AAR2: variants seen among roughly 807,000 people sequenced by gnomAD.
AAR2 encodes the protein AAR2 splicing factor.
In AAR2, 31 loss-of-function variants were observed where a neutral mutation model predicts 26.9. The observed-to-expected ratio is 1.15, with a 90% confidence interval of 0.86 to 1.55. AAR2 has a LOEUF of 1.55. Ranked by LOEUF, AAR2 falls within the 40% of genes most tolerant of loss-of-function variation. The pLI is 0.00. For synonymous variants in AAR2, 188 were observed against 196.1 expected (o/e 0.96, Z 0.34); for missense variants, 430 against 491.3 (o/e 0.88, Z 1.18).
At position 36,237,068 on chromosome 20, in the gene AAR2, A is replaced by T. The variant is rs543321282; in HGVS notation, c.-49+565A>T. On this transcript the variant is annotated intron_variant, in intron 1 of 3. Coordinates refer to ENST00000320849, the MANE Select transcript of AAR2 (RefSeq NM_001271874.2). ...TATTGAGCTGAGATCAGAAAAAAGG[A>T]TTTGACAAAGTGGGGAGGGAAGAGT... Among the ~76,000 whole-genome samples, 3 of 152,276 alleles carry T rather than the reference A, an allele frequency of 2.0e-5. No individual in the cohort carries two copies. In the South Asian group the frequency reaches 6.2e-4, roughly 32 times the overall value.
intron 2 of AAR2, among the ~76,000 whole-genome samples, chr20:36,242,917 G>T (rs192455574): frequency 6.7e-6 from 1 of 148,712 alleles, no homozygotes; most frequent in East Asian, 2.0e-4. Flanking sequence ...GAGTACAGTG[G>T]CATGATCACA....
rs1004967043 is a variant in AAR2 at position 36,255,970 on chromosome 20, C to T, written c.*225C>T. The T allele has an allele frequency of 3.4e-6, 2 of 593,510 alleles. No homozygotes were observed. Among genetic ancestry groups the T allele is most frequent in the Admixed American group, 3.2e-5 (1 of 31,690 alleles). 36.8% of individuals were successfully genotyped at this position (593,510 alleles called of 1,614,324 possible). On this transcript the variant is annotated 3_prime_UTR_variant, in exon 4 of 4. Coordinates refer to ENST00000320849, the MANE Select transcript of AAR2 (RefSeq NM_001271874.2). ...TTTGTGGGTTCCCCATCAGCCAGGC[C>T]TTGGTGCTAACCTGGCTGAATTTCA... is the stretch of plus-strand genomic sequence containing the variant.
rs1320207520 is a variant in AAR2 at position 36,256,851 on chromosome 20, G to A, written c.*1106G>A. Reference sequence around the variant, plus strand: ...TGTTTTTGAATGAGAATCCCTGCTGGTTGAGACTTTTGCTTCCACTTGTTT... The same window carrying A: ...TGTTTTTGAATGAGAATCCCTGCTGATTGAGACTTTTGCTTCCACTTGTTT... On this transcript the variant is annotated 3_prime_UTR_variant, in exon 4 of 4. Transcript: ENST00000320849. 5 of 152,688 alleles carry A rather than the reference G, an allele frequency of 3.3e-5. No individual in the cohort carries two copies. Among genetic ancestry groups the A allele is most frequent in the Non-Finnish European group, 1.5e-5 (1 of 68,058 alleles). 9.5% of individuals were successfully genotyped at this position (152,688 alleles called of 1,614,324 possible). A position where few individuals can be genotyped will look rare whatever the true frequency, so the allele number is the denominator to read the frequency against.
intron 3 of AAR2, among the ~76,000 whole-genome samples, chr20:36,252,169 G>C (rs1043282549): frequency 6.6e-6 from 1 of 152,146 alleles, no homozygotes; most frequent in African/African-American, 2.4e-5. Flanking sequence ...GCATTCAGGG[G>C]CCTGGTAAAG....
chr20:36,255,494 C>A lies in AAR2; in HGVS notation c.988-84C>A. 2.6e-6 allele frequency: 4 copies of A among 1,513,358 alleles called. No homozygotes were observed. In the South Asian group the frequency reaches 4.8e-5, roughly 18 times the overall value. The allele number at this position is 1,513,358 out of a possible 1,614,324, so 93.7% of individuals were successfully genotyped here. On this transcript the variant is annotated intron_variant, in intron 3 of 3. Transcript: ENST00000320849. ...GCTGATCTACCCGCCCCAGAAGAGC[C>A]GAACACCATGAGGAAATTTCCACAG...
chr20:36,247,283 A>T (rs1350816695), intron 3 of AAR2, among the ~76,000 whole-genome samples: 2 of 152,158 alleles, frequency 1.3e-5, no homozygotes, highest in Non-Finnish European at 2.9e-5. Flanking sequence ...CCTAGACTGC[A>T]TCGGAGTTTA....
At position 36,244,933 on chromosome 20, in the gene AAR2, A is replaced by C. The variant is rs113156393; in HGVS notation, c.987+7A>C. On this transcript the variant is annotated splice_region_variant and intron_variant, in intron 3 of 3. Coordinates refer to ENST00000320849, the MANE Select transcript of AAR2 (RefSeq NM_001271874.2). ...CCTCACCAGCACCTTACAGGTGAGCAGTCTTTCTGACTGAGCTGATGCACA... is the reference window on the plus strand; with the variant it reads ...CCTCACCAGCACCTTACAGGTGAGCCGTCTTTCTGACTGAGCTGATGCACA... 1.2e-6 allele frequency: 2 copies of C among 1,608,458 alleles called. No individual in the cohort carries two copies. The highest frequency in any genetic ancestry group is 1.7e-5 in the Admixed American group (1 of 60,008).
At chr20:36,245,139 G>A (rs142808125) in intron 3 of AAR2, among the ~76,000 whole-genome samples, 73 of 151,918 alleles carry the variant, frequency 4.8e-4, no homozygotes, top group Non-Finnish European at 8.5e-4. Context: ...CCTACACCTC[G>A]TCCCCAGAGT....
Position 36,255,923 on chromosome 20 carries a change from C to G in AAR2, c.*178C>G, listed in dbSNP as rs1308965213. 3.4e-6 allele frequency: 3 copies of G among 884,094 alleles called. No individual in the cohort carries two copies. In the African/African-American group the frequency reaches 5.1e-5, roughly 15 times the overall value. 54.8% of individuals were successfully genotyped at this position (884,094 alleles called of 1,614,324 possible). A position where few individuals can be genotyped will look rare whatever the true frequency, so the allele number is the denominator to read the frequency against. On this transcript the variant is annotated 3_prime_UTR_variant, in exon 4 of 4. Coordinates refer to ENST00000320849, the MANE Select transcript of AAR2 (RefSeq NM_001271874.2). ...ATATATTTCTTCATTGCCAAAGAGG[C>G]TGTACCCATCCTGAAGGCACATTTG... is the stretch of plus-strand genomic sequence containing the variant.
chr20:36,238,184 A>G (rs1569422546), intron 1 of AAR2, among the ~76,000 whole-genome samples: 1 of 152,202 alleles, frequency 6.6e-6, no homozygotes, highest in Non-Finnish European at 1.5e-5. Flanking sequence ...ACACACAAAC[A>G]CACAAAGCTC....
chr20:36,255,503 T>A, intron 3 of AAR2, 75 bp from the exon 4 acceptor site: 1 of 1,552,260 alleles, frequency 6.4e-7, no homozygotes, highest in Non-Finnish European at 8.8e-7. Flanking sequence ...CCGAACACCA[T>A]GAGGAAATTT....
intron 3 of AAR2, among the ~76,000 whole-genome samples, chr20:36,248,529 G>T (rs1398788243): frequency 1.3e-5 from 2 of 151,952 alleles, no homozygotes; most frequent in Non-Finnish European, 2.9e-5. Context: ...GTAGAGATGA[G>T]GTTTCGCCAT....
chr20:36,242,854 GTT>G lies in AAR2; in HGVS notation c.758-1823_758-1822del, dbSNP rs766390749. Among the ~76,000 whole-genome samples, 1,208 of 120,932 alleles carry G rather than the reference GTT, an allele frequency of 1.0e-2. 10 individuals carry two copies. The highest frequency in any genetic ancestry group is 0.035 in the African/African-American group (1,098 of 31,772). The allele number at this position is 120,932 out of a possible 152,430, so 79.3% of individuals were successfully genotyped here. A position where few individuals can be genotyped will look rare whatever the true frequency, so the allele number is the denominator to read the frequency against. On this transcript the variant is annotated intron_variant, in intron 2 of 3. Coordinates refer to ENST00000320849, the MANE Select transcript of AAR2 (RefSeq NM_001271874.2). ...GTCTGTTACAGGAATAACTTTGTTG[GTT>G]TTTTTTTTTTTTTTTTTTTGAGACA... is the stretch of plus-strand genomic sequence containing the variant.
chr20:36,244,568 G>T, intron 2 of AAR2, 129 bp from the exon 3 acceptor site: 1 of 841,314 alleles, frequency 1.2e-6, no homozygotes, highest in East Asian at 2.6e-5. Context: ...AGGCTCTGCA[G>T]GAGTGACAAG....
chr20:36,248,304 AT>A (rs1462438795), intron 3 of AAR2, among the ~76,000 whole-genome samples: 3 of 144,566 alleles, frequency 2.1e-5, no homozygotes, highest in South Asian at 2.2e-4. Context: ...CACGAGGCCT[AT>A]TTTTTGTTCA....
chr20:36,255,533 T>C (rs756304363), intron 3 of AAR2, 45 bp from the exon 4 acceptor site: 3 of 1,607,906 alleles, frequency 1.9e-6, no homozygotes, highest in Admixed American at 3.3e-5. Context: ...TCTCGCCCCC[T>C]GCCCTCCGTC....
At chr20:36,244,110 C>A (rs1017206680) in intron 2 of AAR2, among the ~76,000 whole-genome samples, 3 of 152,196 alleles carry the variant, frequency 2.0e-5, no homozygotes, top group African/African-American at 7.2e-5. Flanking sequence ...TTGGGCAAGC[C>A]CTTGACCTTA....
intron 3 of AAR2, among the ~76,000 whole-genome samples, chr20:36,251,069 T>C (rs1463754319): frequency 6.6e-6 from 1 of 152,036 alleles, no homozygotes; most frequent in Non-Finnish European, 1.5e-5. Context: ...TGGTGGCATG[T>C]ACCTATAGTC....
chr20:36,254,587 A>G (rs2064804772), intron 3 of AAR2, among the ~76,000 whole-genome samples: 1 of 152,180 alleles, frequency 6.6e-6, no homozygotes, highest in African/African-American at 2.4e-5. Flanking sequence ...CATTCTGAAG[A>G]TGGATGGTGG....
Sources: allele counts gnomAD v4.1 joint callset (sites outside exome capture counted in the v4.1 genomes callset), GRCh38; gene constraint gnomAD v4.1.1; transcripts MANE v1.5; gene names NCBI Gene and HGNC (gene_info 2026-07-23, HGNC 2026-07-21).